The following ANAPC10 variants were observed in gnomAD, a reference collection of about 807,000 sequenced individuals.
ANAPC10 encodes anaphase promoting complex subunit 10.
ANAPC10 carries 12 observed loss-of-function variants against 22.0 expected under a neutral mutation model. The ratio of observed to expected loss-of-function variants is 0.55; its 90% CI spans 0.35 to 0.88. The LOEUF is 0.88. Ranked by LOEUF, ANAPC10 falls within the 40% of genes least tolerant of loss-of-function variation. The pLI is 0.01. For synonymous variants in ANAPC10, 65 were observed against 69.5 expected, an observed-to-expected ratio of 0.94 and a Z score of 0.32; for missense variants, 188 against 220.9, an observed-to-expected ratio of 0.85 and a Z score of 0.94.
chr4:145,097,540 G>C, intron 1 of ANAPC10: 1 of 1,287,094 alleles, frequency 7.8e-7, no homozygotes, highest in Non-Finnish European at 1.0e-6. Context: ...TTCTTTAATC[G>C]GCACACAAGC....
At chr4:145,050,579 T>C (rs1283136298) in intron 4 of ANAPC10, among the ~76,000 whole-genome samples, 1 of 152,226 alleles carries the variant, frequency 6.6e-6, no homozygotes, top group Non-Finnish European at 1.5e-5. Flanking sequence ...GCTTTTTGTC[T>C]ACATTGAAAA....
intron 4 of ANAPC10, among the ~76,000 whole-genome samples, chr4:145,047,600 G>C (rs1257615910): frequency 6.6e-6 from 1 of 151,342 alleles, no homozygotes; most frequent in African/African-American, 2.4e-5. Context: ...CTCAAAGTCA[G>C]GAACACTTCT....
intron 4 of ANAPC10, among the ~76,000 whole-genome samples, chr4:145,026,943 A>ATGTG (rs1474945651): frequency 3.9e-4 from 10 of 25,794 alleles, no homozygotes; most frequent in African/African-American, 1.1e-3. Flanking sequence ...ATATATATAT[A>ATGTG]TATGTGTGTG....
chr4:145,037,020 GTGTGTGTGTGTGTGTGTGTA>G (rs1466186602), intron 4 of ANAPC10, among the ~76,000 whole-genome samples: 16 of 142,592 alleles, frequency 1.1e-4, no homozygotes, highest in Non-Finnish European at 1.7e-4. Flanking sequence ...GTGTGTGTGT[GTGTGTGTGTGTGTGTGTGTA>G]TGTGTGTGCA....
chr4:145,052,154 G>A lies in ANAPC10; in HGVS notation c.327+12418C>T, dbSNP rs905568012. On this transcript the variant is annotated intron_variant, in intron 4 of 4. Coordinates refer to ENST00000507656, the MANE Select transcript of ANAPC10 (RefSeq NM_001256706.2). ...TGTTGGTCGAAGGACATAAAATTTCGGTGAGGCATAAGAAATAAGTTCAAG... is the reference window on the plus strand; with the variant it reads ...TGTTGGTCGAAGGACATAAAATTTCAGTGAGGCATAAGAAATAAGTTCAAG... Among the ~76,000 whole-genome samples, 7 of 152,164 alleles carry A rather than the reference G, an allele frequency of 4.6e-5. 1 individual carries two copies. The South Asian group carries it at 8.3e-4, about 18-fold the overall frequency.
Position 145,057,941 on chromosome 4 carries a change from C to T in ANAPC10, c.327+6631G>A, listed in dbSNP as rs190186140. ...ACTGCCATAGCCTTAATTAAATCCT[C>T]GTAATTTTTACCTGGCTAATATTAT... On this transcript the variant is annotated intron_variant, in intron 4 of 4. Coordinates refer to ENST00000507656, the MANE Select transcript of ANAPC10 (RefSeq NM_001256706.2). Among the ~76,000 whole-genome samples, 545 of 152,206 alleles carry T rather than the reference C, an allele frequency of 3.6e-3. 3 individuals carry two copies. The highest frequency in any genetic ancestry group is 0.012 in the African/African-American group (504 of 41,542).
At chr4:145,037,200 G>A (rs140662299) in intron 4 of ANAPC10, among the ~76,000 whole-genome samples, 3 of 152,144 alleles carry the variant, frequency 2.0e-5, no homozygotes, top group Admixed American at 1.3e-4. Context: ...ATCACGATTT[G>A]CTGCTACATG....
At chr4:145,018,363 G>A (rs995096931) in intron 4 of ANAPC10, among the ~76,000 whole-genome samples, 17 of 152,182 alleles carry the variant, frequency 1.1e-4, no homozygotes, top group African/African-American at 2.2e-4. Context: ...GCCGGGCACC[G>A]CGGCTCACAC....
At position 145,095,852 on chromosome 4, in the gene ANAPC10, G is replaced by A. The variant is rs1748427495; in HGVS notation, c.115+133C>T. 4 of 1,100,420 alleles carry A rather than the reference G, an allele frequency of 3.6e-6. No individual in the cohort carries two copies. The Admixed American group carries it at 6.3e-5, about 17-fold the overall frequency. 68.2% of individuals were successfully genotyped at this position (1,100,420 alleles called of 1,614,324 possible). On this transcript the variant is annotated intron_variant, in intron 2 of 4. Transcript: ENST00000507656. ...AAAAACATAGTATTAATATAGAAAGGGTTCAGTACTATCCATGGTTTTAGG... is the reference window on the plus strand; with the variant it reads ...AAAAACATAGTATTAATATAGAAAGAGTTCAGTACTATCCATGGTTTTAGG...
chr4:145,024,499 A>C (rs770863368), intron 4 of ANAPC10, among the ~76,000 whole-genome samples: 11 of 152,232 alleles, frequency 7.2e-5, no homozygotes, highest in Non-Finnish European at 1.5e-4. Flanking sequence ...TGTATCAGCA[A>C]ACATGAAAAC....
At chr4:145,004,166 C>T (rs1732994988) in intron 4 of ANAPC10, among the ~76,000 whole-genome samples, 1 of 152,006 alleles carries the variant, frequency 6.6e-6, no homozygotes, top group South Asian at 2.1e-4. Flanking sequence ...TATAGGTATG[C>T]TACTGATTTT....
At chr4:145,054,668 A>G (rs890467429) in intron 4 of ANAPC10, among the ~76,000 whole-genome samples, 13 of 139,494 alleles carry the variant, frequency 9.3e-5, no homozygotes, top group African/African-American at 3.0e-4. Context: ...CGTGCAGCGC[A>G]TGTGTGTGTG....
chr4:145,025,858 T>C (rs992135707), intron 4 of ANAPC10, among the ~76,000 whole-genome samples: 4 of 152,114 alleles, frequency 2.6e-5, no homozygotes, highest in Admixed American at 2.0e-4. Context: ...GTGTAAGGAA[T>C]AGTTAAAGCC....
At chr4:145,027,296 A>C (rs1214979617) in intron 4 of ANAPC10, among the ~76,000 whole-genome samples, 1 of 151,650 alleles carries the variant, frequency 6.6e-6, no homozygotes, top group Non-Finnish European at 1.5e-5. Context: ...GAGCCACCAC[A>C]CCTGGCCAAA....
At chr4:144,997,829 G>C (rs1046885828) in intron 4 of ANAPC10, among the ~76,000 whole-genome samples, 6 of 152,088 alleles carry the variant, frequency 3.9e-5, no homozygotes, top group South Asian at 4.2e-4. Context: ...CTGCATTCAG[G>C]AGACCCATCT....
rs930533572 is a variant in ANAPC10 at position 145,006,544 on chromosome 4, G to A, written c.328-10941C>T. ...ATTTCACTTCTGATCAGGAATTGAA[G>A]CAAATTACTTATGCTAGCTAACCTT... On this transcript the variant is annotated intron_variant, in intron 4 of 4. Coordinates refer to ENST00000507656, the MANE Select transcript of ANAPC10 (RefSeq NM_001256706.2). 3.3e-5 allele frequency among the ~76,000 whole-genome samples: 5 copies of A among 152,096 alleles called. No individual in the cohort carries two copies. The South Asian group carries it at 1.0e-3, about 31-fold the overall frequency.
At chr4:145,012,193 T>C (rs1036032104) in intron 4 of ANAPC10, among the ~76,000 whole-genome samples, 7 of 148,206 alleles carry the variant, frequency 4.7e-5, no homozygotes, top group Non-Finnish European at 8.9e-5. Flanking sequence ...TATATATATA[T>C]ATACACACAC....
chr4:145,023,068 G>C (rs1736188679), intron 4 of ANAPC10, among the ~76,000 whole-genome samples: 2 of 152,058 alleles, frequency 1.3e-5, no homozygotes, highest in Admixed American at 1.3e-4. Context: ...ATAAATTGGA[G>C]TACATTTACA....
intron 4 of ANAPC10, among the ~76,000 whole-genome samples, chr4:145,001,742 T>C (rs1339317742): frequency 6.6e-6 from 1 of 152,136 alleles, no homozygotes; most frequent in Non-Finnish European, 1.5e-5. Flanking sequence ...ACAGGATCCA[T>C]TAGAGTTTCT....
Sources: gnomAD v4.1 joint callset for allele counts (sites outside exome capture counted in the v4.1 genomes callset) on GRCh38, gnomAD v4.1.1 for gene constraint, MANE v1.5 for transcripts, NCBI Gene and HGNC (gene_info 2026-07-23, HGNC 2026-07-21) for gene names.